The following PPARGC1A variants were observed in gnomAD, a reference collection of about 807,000 sequenced individuals.
PPARGC1A encodes PPARG coactivator 1 alpha.
In PPARGC1A, 25 loss-of-function variants were observed where a neutral mutation model predicts 88.7. The observed-to-expected ratio is 0.28, with a 90% confidence interval of 0.21 to 0.39. The LOEUF (loss-of-function observed/expected upper bound fraction) is 0.39. Ranked by LOEUF, PPARGC1A falls within the 10% of genes least tolerant of loss-of-function variation. The pLI is 1.00. For missense variants in PPARGC1A, 880 were observed against 968.7 expected, an observed-to-expected ratio of 0.91 and a Z score of 1.22; for synonymous variants, 363 against 355.6, an observed-to-expected ratio of 1.02 and a Z score of -0.24.
the PPARGC1A span, among the ~76,000 whole-genome samples, chr4:24,319,211 TG>T: frequency 1.3e-5 from 2 of 152,068 alleles, no homozygotes; most frequent in Non-Finnish European, 2.9e-5. Flanking sequence ...CTGTGTGTGG[TG>T]CATGCCTGTC....
At chr4:23,829,801 A>C (rs924880027) in intron 3 of PPARGC1A, 7 of 296,032 alleles carry the variant, frequency 2.4e-5, no homozygotes, top group African/African-American at 4.4e-5. Context: ...CTATGAAAAT[A>C]TTTCCTTTCC....
the PPARGC1A span, among the ~76,000 whole-genome samples, chr4:23,961,557 C>T: frequency 0.014 from 2,198 of 152,224 alleles, 48 homozygotes; most frequent in South Asian, 0.1. Flanking sequence ...CCCATAACAA[C>T]CAGGCTGACT....
the PPARGC1A span, among the ~76,000 whole-genome samples, chr4:24,236,373 T>C: frequency 1.3e-5 from 2 of 152,170 alleles, no homozygotes; most frequent in African/African-American, 4.8e-5. Flanking sequence ...TCAGCAATGA[T>C]ACCTCCCTTT....
At chr4:24,309,472 A>T in the PPARGC1A span, among the ~76,000 whole-genome samples, 1 of 152,152 alleles carries the variant, frequency 6.6e-6, no homozygotes. Flanking sequence ...CAGGAACTAG[A>T]TCACAAATGG....
chr4:24,472,774 G>A, the PPARGC1A span, among the ~76,000 whole-genome samples: 1 of 152,070 alleles, frequency 6.6e-6, no homozygotes, highest in East Asian at 1.9e-4. This position sits in a 1 kb window ranked among gnomAD's most constrained non-coding sequence, Gnocchi z 4.5. Flanking sequence ...GCGTGTGTGC[G>A]CGCGTGTGTG....
chr4:24,252,339 A>G, the PPARGC1A span, among the ~76,000 whole-genome samples: 1 of 152,156 alleles, frequency 6.6e-6, no homozygotes, highest in Admixed American at 6.5e-5. Flanking sequence ...TTTAGGAACC[A>G]CGGCCTTAGG....
chr4:24,025,034 A>G, the PPARGC1A span, among the ~76,000 whole-genome samples: 1 of 152,220 alleles, frequency 6.6e-6, no homozygotes, highest in East Asian at 1.9e-4. Context: ...TCCTTCTGAC[A>G]AGTGAGCTAG....
chr4:24,292,245 G>A, the PPARGC1A span, among the ~76,000 whole-genome samples: 95,662 of 151,934 alleles, frequency 0.63, 30,389 homozygotes, highest in Middle Eastern at 0.7. Flanking sequence ...CCTGCACTGC[G>A]AGCGAGAACT....
the PPARGC1A span, among the ~76,000 whole-genome samples, chr4:24,368,081 C>T: frequency 6.3e-3 from 964 of 152,272 alleles, 3 homozygotes; most frequent in Non-Finnish European, 0.01. Flanking sequence ...CTACAACTTG[C>T]CAAAATGACT....
the PPARGC1A span, among the ~76,000 whole-genome samples, chr4:24,084,265 A>G: frequency 6.6e-6 from 1 of 152,348 alleles, no homozygotes; most frequent in South Asian, 2.1e-4. Flanking sequence ...GTTCTAGGCT[A>G]TAGAAGTTAG....
the PPARGC1A span, among the ~76,000 whole-genome samples, chr4:23,981,340 A>G: frequency 6.6e-6 from 1 of 152,150 alleles, no homozygotes; most frequent in East Asian, 1.9e-4. Context: ...CATGCAAAAG[A>G]AAAAGTTCTT....
chr4:24,319,036 A>G, the PPARGC1A span, among the ~76,000 whole-genome samples: 2 of 152,316 alleles, frequency 1.3e-5, no homozygotes, highest in Non-Finnish European at 2.9e-5. Context: ...CAGAAAAGAA[A>G]CAAGAAGAGA....
At chr4:24,144,351 T>C in the PPARGC1A span, among the ~76,000 whole-genome samples, 1 of 152,102 alleles carries the variant, frequency 6.6e-6, no homozygotes, top group African/African-American at 2.4e-5. Context: ...TTCAGTGACC[T>C]AAGGAAAACT....
chr4:24,090,241 C>T, the PPARGC1A span, among the ~76,000 whole-genome samples: 1 of 152,168 alleles, frequency 6.6e-6, no homozygotes, highest in South Asian at 2.1e-4. Flanking sequence ...GGAGACCCAC[C>T]ACATGTCATC....
In PPARGC1A at chr4:23,793,594, T is replaced by G. The variant is rs1177665174; in HGVS notation, c.*2228A>C. ...TGTATCATGTCTTCCAGAAAAGTCA[T>G]GTCAGCCAAACAGTAATCGAATCTC... On this transcript the variant is annotated 3_prime_UTR_variant, in exon 13 of 13. Coordinates refer to ENST00000264867, the MANE Select transcript of PPARGC1A (RefSeq NM_013261.5). 4 of 152,240 alleles carry G rather than the reference T, an allele frequency of 2.6e-5. No individual in the cohort carries two copies. Among genetic ancestry groups the G allele is most frequent in the Admixed American group, 6.6e-5 (1 of 15,252 alleles). The allele number at this position is 152,240 out of a possible 1,614,324, so 9.4% of individuals were successfully genotyped here.
At chr4:23,904,977 G>T (rs1239121194), upstream of PPARGC1A, among the ~76,000 whole-genome samples, 1 of 152,090 alleles carries the variant, frequency 6.6e-6, no homozygotes, top group Non-Finnish European at 1.5e-5. Context: ...CAGCGGTGGC[G>T]CTAAGTGCTG....
chr4:24,068,830 A>T, the PPARGC1A span, among the ~76,000 whole-genome samples: 3 of 152,132 alleles, frequency 2.0e-5, no homozygotes, highest in Non-Finnish European at 4.4e-5. Flanking sequence ...TCATCATGAG[A>T]GAGTTCACTC....
At chr4:24,420,539 TG>T in the PPARGC1A span, among the ~76,000 whole-genome samples, 3 of 152,190 alleles carry the variant, frequency 2.0e-5, no homozygotes, top group African/African-American at 7.2e-5. Context: ...GAATGGATCA[TG>T]TCCACACTCC....
chr4:24,035,545 C>T, the PPARGC1A span, among the ~76,000 whole-genome samples: 3 of 150,688 alleles, frequency 2.0e-5, no homozygotes, highest in East Asian at 3.9e-4. Flanking sequence ...GATTCTGTCT[C>T]AAAAAATAAT....
Sources: allele counts gnomAD v4.1 joint callset (sites outside exome capture counted in the v4.1 genomes callset), GRCh38; gene constraint gnomAD v4.1.1; non-coding constraint Gnocchi (gnomAD v3.1); transcripts MANE v1.5; gene names NCBI Gene and HGNC (gene_info 2026-07-23, HGNC 2026-07-21).